Variants in AIG1 observed in about 807,000 individuals in gnomAD.
AIG1 encodes androgen induced 1, also known as androgen-induced gene 1 protein.
Under a neutral mutation model 31.4 loss-of-function variants are expected in AIG1, and 23 were observed. The ratio of observed to expected loss-of-function variants is 0.73; its 90% CI spans 0.53 to 1.04. AIG1 has a LOEUF of 1.04. AIG1 is among the 50% of genes least tolerant of loss of function. The pLI is 0.00. For missense variants in AIG1, 274 were observed against 295.0 expected (o/e 0.93, Z 0.52); for synonymous variants, 100 against 110.5 (o/e 0.90, Z 0.60).
chr6:143,082,191 C>G (rs1341976400), intron 1 of AIG1, among the ~76,000 whole-genome samples: 1 of 152,134 alleles, frequency 6.6e-6, no homozygotes, highest in Non-Finnish European at 1.5e-5. Context: ...TGAGTGACGG[C>G]TATTAGTTCT....
rs372534082 is a variant in AIG1 at position 143,333,323 on chromosome 6, C to T, written c.557C>T (p.Pro186Leu). 3 of 1,613,614 alleles carry T rather than the reference C, an allele frequency of 1.9e-6. No homozygotes were observed. The highest frequency in any genetic ancestry group is 2.2e-5 in the East Asian group (1 of 44,872). ...CATGTAACTGGCATGTGGGTGTACC[C>T]TTTCCTGGAACACATTGGCCCAGGA... ...VHHVTGMWVY[P>L]FLEHIGPGAR... Residue 186 changes from proline (P) to leucine (L), a missense_variant, in exon 5 of 6, where the codon CCT becomes CTT. Pro to Leu is a moderately conservative substitution (Grantham distance 98). This residue lies in a region of AIG1 where 243 missense variants were observed against 238.5 expected (regional missense o/e 1.02). Transcript: ENST00000357847. This position sits in a 1 kb window ranked among gnomAD's most constrained non-coding sequence, Gnocchi z 4.6.
chr6:143,146,449 A>C (rs1230199286), intron 2 of AIG1, among the ~76,000 whole-genome samples: 1 of 151,918 alleles, frequency 6.6e-6, no homozygotes, highest in Non-Finnish European at 1.5e-5. Context: ...AAAAGGATTC[A>C]CACTTCTTCC....
chr6:143,214,963 G>A (rs767616907), intron 3 of AIG1, among the ~76,000 whole-genome samples: 3 of 151,982 alleles, frequency 2.0e-5, no homozygotes, highest in Non-Finnish European at 4.4e-5. Context: ...CCGTGGTGTG[G>A]GAAATTTCCC....
chr6:143,099,157 A>G (rs939010238), intron 1 of AIG1, among the ~76,000 whole-genome samples: 1 of 152,204 alleles, frequency 6.6e-6, no homozygotes, highest in African/African-American at 2.4e-5. Context: ...TTTCGATTCC[A>G]CCAAAAATGG....
chr6:143,102,881 C>T (rs1396089199), intron 1 of AIG1, among the ~76,000 whole-genome samples: 7 of 152,090 alleles, frequency 4.6e-5, no homozygotes, highest in African/African-American at 1.7e-4. Context: ...GCAAATAAAA[C>T]TCCATACAAT....
chr6:143,080,306 C>G (rs547232311), intron 1 of AIG1, among the ~76,000 whole-genome samples: 1 of 152,068 alleles, frequency 6.6e-6, no homozygotes, highest in South Asian at 2.1e-4. Flanking sequence ...TCCAGGGGTC[C>G]GCGGTAGATC....
intron 1 of AIG1, among the ~76,000 whole-genome samples, chr6:143,121,031 T>C (rs1228881788): frequency 6.6e-6 from 1 of 152,266 alleles, no homozygotes; most frequent in Non-Finnish European, 1.5e-5. Context: ...CCCATCCTTT[T>C]ATTTCGGCCC....
chr6:143,270,517 A>G (rs1452437001), intron 3 of AIG1, among the ~76,000 whole-genome samples: 5 of 152,212 alleles, frequency 3.3e-5, no homozygotes, highest in Non-Finnish European at 5.9e-5. Flanking sequence ...ACTACGGAGA[A>G]AAGGTTTTGA....
At position 143,273,108 on chromosome 6, in the gene AIG1, G is replaced by A. The variant is rs559818403; in HGVS notation, c.400-11002G>A. On this transcript the variant is annotated intron_variant, in intron 3 of 5. Transcript: ENST00000357847. ...CATGCCATTGCACTCCAGTCTGGGCGACAGAGTGAGACTTCGTCTCAAAAA... is the reference window on the plus strand; with the variant it reads ...CATGCCATTGCACTCCAGTCTGGGCAACAGAGTGAGACTTCGTCTCAAAAA... 6.6e-5 allele frequency among the ~76,000 whole-genome samples: 10 copies of A among 152,242 alleles called. No individual in the cohort carries two copies. The South Asian group carries it at 1.0e-3, about 16-fold the overall frequency.
intron 4 of AIG1, among the ~76,000 whole-genome samples, chr6:143,324,909 C>G (rs1776481759): frequency 6.6e-6 from 1 of 152,142 alleles, no homozygotes. Context: ...GCTCCAGTGA[C>G]CACCCCAACT....
intron 4 of AIG1, among the ~76,000 whole-genome samples, chr6:143,294,817 C>G (rs927239319): frequency 6.6e-6 from 1 of 152,138 alleles, no homozygotes. Context: ...TCCCTCCATT[C>G]TGAAGATGAT....
chr6:143,188,075 A>C, intron 3 of AIG1: 1 of 1,071,232 alleles, frequency 9.3e-7, no homozygotes, highest in Non-Finnish European at 1.1e-6. Flanking sequence ...TTGATGCTCA[A>C]AGGGTACAGT....
At chr6:143,168,097 G>A (rs188680847) in intron 3 of AIG1, among the ~76,000 whole-genome samples, 2 of 152,002 alleles carry the variant, frequency 1.3e-5, no homozygotes, top group African/African-American at 4.8e-5. Context: ...GTAATAAAAT[G>A]ACATTTCAAA....
At chr6:143,274,978 C>G (rs906074094) in intron 3 of AIG1, among the ~76,000 whole-genome samples, 5 of 152,180 alleles carry the variant, frequency 3.3e-5, no homozygotes, top group Non-Finnish European at 7.3e-5. Context: ...TTCCATATTT[C>G]TGCACATCCA....
intron 4 of AIG1, among the ~76,000 whole-genome samples, chr6:143,295,375 A>G (rs899292829): frequency 6.6e-6 from 1 of 152,202 alleles, no homozygotes; most frequent in African/African-American, 2.4e-5. Context: ...AAGACTGTGG[A>G]TGACTTCTCA....
intron 4 of AIG1, among the ~76,000 whole-genome samples, chr6:143,312,951 A>T (rs1429441721): frequency 1.3e-5 from 2 of 152,188 alleles, no homozygotes; most frequent in Non-Finnish European, 2.9e-5. Context: ...GGTATAGGAA[A>T]AGGTGCTCAA....
At chr6:143,281,505 A>C (rs566667105) in intron 3 of AIG1, among the ~76,000 whole-genome samples, 2 of 152,174 alleles carry the variant, frequency 1.3e-5, no homozygotes, top group Admixed American at 1.3e-4. Context: ...ACTGGATTTC[A>C]TGTAGCTGTA....
rs574819594 is a variant in AIG1, at chr6:143,264,956, G to C, written c.400-19154G>C. 9.3e-4 allele frequency among the ~76,000 whole-genome samples: 141 copies of C among 152,264 alleles called. 1 individual carries two copies. The highest frequency in any genetic ancestry group is 3.2e-3 in the African/African-American group (134 of 41,546). On this transcript the variant is annotated intron_variant, in intron 3 of 5. Transcript: ENST00000357847. Reference sequence around the variant, plus strand: ...TTCGCAATGACAACACTCCACTCTTGTTAGGAGACCAAGTCCACCCTTTGG... The same window carrying C: ...TTCGCAATGACAACACTCCACTCTTCTTAGGAGACCAAGTCCACCCTTTGG...
rs1324599726 is a variant in AIG1, at chr6:143,331,648, ATATATGTGTGTGTG to A, written c.516-1618_516-1605del. 2.6e-5 allele frequency among the ~76,000 whole-genome samples: 4 copies of A among 151,666 alleles called. No homozygotes were observed. Among genetic ancestry groups the A allele is most frequent in the South Asian group, 2.1e-4 (1 of 4,788 alleles). On this transcript the variant is annotated intron_variant, in intron 4 of 5. Coordinates refer to ENST00000357847, the MANE Select transcript of AIG1 (RefSeq NM_016108.4). This position sits in a 1 kb window ranked among gnomAD's most constrained non-coding sequence, Gnocchi z 4.1. ...CATATATGTACATCTGTGTGTGTGT[ATATATGTGTGTGTG>A]TATATGTGTGTGTGTGTGTATCTGT...
Sources: gnomAD v4.1 joint callset for allele counts (sites outside exome capture counted in the v4.1 genomes callset) on GRCh38, gnomAD v4.1.1 for gene constraint, gnomAD v4.1.1 regional missense constraint, Gnocchi (gnomAD v3.1) non-coding constraint, MANE v1.5 for transcripts, NCBI Gene and HGNC (gene_info 2026-07-23, HGNC 2026-07-21) for gene names.